KCNK1: variants seen among roughly 807,000 people sequenced by gnomAD.
KCNK1 encodes the protein potassium two pore domain channel subfamily K member 1.
Under a neutral mutation model 22.2 loss-of-function variants are expected in KCNK1, and 10 were observed. The ratio of observed to expected loss-of-function variants is 0.45; its 90% CI spans 0.28 to 0.76. The LOEUF (loss-of-function observed/expected upper bound fraction) is 0.76, where lower values mean the gene tolerates loss of function less well. Ranked by LOEUF, KCNK1 falls within the 30% of genes least tolerant of loss-of-function variation. KCNK1 has a pLI of 0.14. For missense variants in KCNK1, 378 were observed against 421.0 expected (o/e 0.90, Z 0.89); for synonymous variants, 200 against 186.4 (o/e 1.07, Z -0.60).
chr1:233,622,519 T>A (rs1462987484), intron 1 of KCNK1, among the ~76,000 whole-genome samples: 1 of 152,234 alleles, frequency 6.6e-6, no homozygotes, highest in Non-Finnish European at 1.5e-5. Context: ...AGACTCAGTC[T>A]GTACTCTGAC....
At chr1:233,645,668 C>G (rs1273182784) in intron 1 of KCNK1, among the ~76,000 whole-genome samples, 1 of 152,110 alleles carries the variant, frequency 6.6e-6, no homozygotes, top group East Asian at 1.9e-4. Flanking sequence ...CTTTAAGCCA[C>G]TAAGTTTATG....
chr1:233,670,973 C>G (rs1658586604), intron 2 of KCNK1, among the ~76,000 whole-genome samples: 1 of 152,056 alleles, frequency 6.6e-6, no homozygotes, highest in African/African-American at 2.4e-5. Flanking sequence ...TGTTATGTGT[C>G]TTTAATAATG....
intron 1 of KCNK1, among the ~76,000 whole-genome samples, chr1:233,632,288 T>C (rs1657811489): frequency 6.7e-6 from 1 of 150,294 alleles, no homozygotes; most frequent in Admixed American, 6.6e-5. Context: ...TTTTCTACTC[T>C]TTTTTTTCTC....
chr1:233,665,860 C>T (rs1658479639), intron 1 of KCNK1, among the ~76,000 whole-genome samples: 1 of 152,204 alleles, frequency 6.6e-6, no homozygotes, highest in Non-Finnish European at 1.5e-5. Flanking sequence ...TGGTTGGATG[C>T]AGACTTTATT....
intron 1 of KCNK1, among the ~76,000 whole-genome samples, chr1:233,625,591 A>G (rs1037315997): frequency 5.9e-5 from 9 of 152,138 alleles, no homozygotes; most frequent in African/African-American, 2.2e-4. Context: ...CAGCATGAAC[A>G]AAGAGATAAC....
intron 1 of KCNK1, among the ~76,000 whole-genome samples, chr1:233,643,523 G>C (rs1010724366): frequency 6.6e-6 from 1 of 152,118 alleles, no homozygotes; most frequent in Non-Finnish European, 1.5e-5. Context: ...CTCCTCCCAG[G>C]CAGTGCTTCT....
chr1:233,668,807 A>C (rs925730042), intron 2 of KCNK1, among the ~76,000 whole-genome samples: 5 of 152,120 alleles, frequency 3.3e-5, no homozygotes, highest in African/African-American at 1.2e-4. Flanking sequence ...GGGTTTCACC[A>C]TGTTGGCCAG....
chr1:233,633,846 A>G (rs1022752321), intron 1 of KCNK1, among the ~76,000 whole-genome samples: 2 of 152,230 alleles, frequency 1.3e-5, no homozygotes, highest in African/African-American at 4.8e-5. Context: ...AAACCCTAAC[A>G]TTAGCCTCTA....
chr1:233,646,438 C>T (rs1318645460), intron 1 of KCNK1, among the ~76,000 whole-genome samples: 2 of 152,124 alleles, frequency 1.3e-5, no homozygotes, highest in African/African-American at 4.8e-5. Context: ...GCAGGGAGAG[C>T]TGCCTAGAGG....
At chr1:233,614,649 G>T (rs1191928210) in intron 1 of KCNK1, 123 bp downstream of exon 1, 5 of 654,708 alleles carry the variant, frequency 7.6e-6, no homozygotes, top group Non-Finnish European at 1.2e-5. Context: ...CGCCATCCCG[G>T]CTCCTCCAGC....
intron 1 of KCNK1, among the ~76,000 whole-genome samples, chr1:233,627,972 C>CT (rs1657719379): frequency 6.6e-6 from 1 of 152,330 alleles, no homozygotes; most frequent in South Asian, 2.1e-4. Flanking sequence ...TCTAGATTCT[C>CT]TGTTTCGCTT....
intron 1 of KCNK1, among the ~76,000 whole-genome samples, chr1:233,636,318 A>G (rs115191776): frequency 0.014 from 2,177 of 152,310 alleles, 14 homozygotes; most frequent in Middle Eastern, 0.034. Context: ...CAGGGAGACC[A>G]GCTGGGAAGC....
intron 1 of KCNK1, among the ~76,000 whole-genome samples, chr1:233,621,698 C>T (rs892963416): frequency 6.6e-6 from 1 of 152,088 alleles, no homozygotes; most frequent in Admixed American, 6.5e-5. Context: ...GTCTATAAAA[C>T]ATACCAGTTT....
rs1657443669 is a variant in KCNK1, at chr1:233,614,358, T to C, written c.187T>C (p.Phe63Leu). 7 of 1,611,462 alleles carry C rather than the reference T, an allele frequency of 4.3e-6. No homozygotes were observed. The highest frequency in any genetic ancestry group is 5.1e-6 in the Non-Finnish European group (6 of 1,178,920). ...RQELRKLKRRFLEEHECLSEQ... is the reference protein window; with the variant it reads ...RQELRKLKRRLLEEHECLSEQ... ...GGAGCTGCGCAAGCTGAAGCGACGC[T>C]TCTTGGAGGAGCACGAGTGCCTGTC... The change falls in exon 1 of 3, where the codon TTC becomes CTC. Residue 63 changes from phenylalanine to leucine, a missense_variant. Coordinates refer to ENST00000366621, the MANE Select transcript of KCNK1 (RefSeq NM_002245.4).
At chr1:233,657,777 A>G (rs780073) in intron 1 of KCNK1, among the ~76,000 whole-genome samples, 2,799 of 152,268 alleles carry the variant, frequency 0.018, 49 homozygotes, top group Middle Eastern at 0.075. Flanking sequence ...AGCATTTAAT[A>G]TCTTACTGCA....
chr1:233,621,131 T>G (rs1398772750), intron 1 of KCNK1, among the ~76,000 whole-genome samples: 1 of 152,218 alleles, frequency 6.6e-6, no homozygotes, highest in Non-Finnish European at 1.5e-5. Flanking sequence ...CTCCCTCAAG[T>G]TCTTATGTCG....
chr1:233,653,329 A>C (rs1658232340), intron 1 of KCNK1, among the ~76,000 whole-genome samples: 1 of 152,140 alleles, frequency 6.6e-6, no homozygotes, highest in Non-Finnish European at 1.5e-5. Flanking sequence ...TCAATTACAG[A>C]TATCCCCTGG....
intron 1 of KCNK1, among the ~76,000 whole-genome samples, chr1:233,630,090 T>G (rs1412803307): frequency 6.6e-6 from 1 of 152,166 alleles, no homozygotes; most frequent in Non-Finnish European, 1.5e-5. Flanking sequence ...CAATGGGAGC[T>G]GGTTCCACCA....
chr1:233,650,993 G>T (rs935146491), intron 1 of KCNK1, among the ~76,000 whole-genome samples: 3 of 152,076 alleles, frequency 2.0e-5, no homozygotes, highest in Non-Finnish European at 4.4e-5. Flanking sequence ...CAGGGTTCCC[G>T]CATCCCTTTA....
Sources: gnomAD v4.1 joint callset for allele counts (sites outside exome capture counted in the v4.1 genomes callset) on GRCh38, gnomAD v4.1.1 for gene constraint, MANE v1.5 for transcripts, NCBI Gene and HGNC (gene_info 2026-07-23, HGNC 2026-07-21) for gene names.